Variants in EXOC6B observed in about 807,000 individuals in gnomAD.
EXOC6B encodes the protein exocyst complex component 6B.
EXOC6B carries 54 observed loss-of-function variants against 113.5 expected under a neutral mutation model. The ratio of observed to expected loss-of-function variants is 0.48; its 90% CI spans 0.38 to 0.60. The LOEUF is 0.60. EXOC6B is among the 20% of genes least tolerant of loss of function. The pLI is 0.00. For synonymous variants in EXOC6B, 357 were observed against 339.0 expected, an observed-to-expected ratio of 1.05 and a Z score of -0.58; for missense variants, 797 against 977.5, an observed-to-expected ratio of 0.82 and a Z score of 2.46.
intron 1 of EXOC6B, among the ~76,000 whole-genome samples, chr2:72,775,897 T>C (rs1240901540): frequency 1.2e-4 from 18 of 152,178 alleles, no homozygotes; most frequent in Admixed American, 1.2e-3. Flanking sequence ...TACACACAAA[T>C]GCCTATAGTA....
intron 16 of EXOC6B, among the ~76,000 whole-genome samples, chr2:72,484,824 C>A (rs1275105121): frequency 2.0e-5 from 3 of 152,242 alleles, no homozygotes; most frequent in South Asian, 2.1e-4. Flanking sequence ...TGTATATGTA[C>A]CACATTTTCT....
chr2:72,667,468 CA>C (rs1675473870), intron 6 of EXOC6B, among the ~76,000 whole-genome samples: 1 of 152,264 alleles, frequency 6.6e-6, no homozygotes, highest in South Asian at 2.1e-4. Context: ...TACCTGACTT[CA>C]AACTATACTA....
intron 20 of EXOC6B, among the ~76,000 whole-genome samples, chr2:72,277,983 A>C (rs1348539827): frequency 6.6e-6 from 1 of 152,136 alleles, no homozygotes; most frequent in African/African-American, 2.4e-5. Flanking sequence ...AAATTGTAAA[A>C]ATTAAAAAAA....
At chr2:72,543,080 T>C (rs1288858577) in intron 8 of EXOC6B, among the ~76,000 whole-genome samples, 1 of 152,104 alleles carries the variant, frequency 6.6e-6, no homozygotes, top group Admixed American at 6.6e-5. Context: ...ATGAGAAGTA[T>C]GTTTCAGGAA....
intron 20 of EXOC6B, among the ~76,000 whole-genome samples, chr2:72,198,941 G>A (rs1679329939): frequency 6.6e-6 from 1 of 152,180 alleles, no homozygotes; most frequent in Admixed American, 6.5e-5. Context: ...GACAAGGGCT[G>A]GTTGAATCAT....
intron 18 of EXOC6B, among the ~76,000 whole-genome samples, chr2:72,457,751 A>G (rs1184260760): frequency 6.6e-6 from 1 of 152,190 alleles, no homozygotes; most frequent in Non-Finnish European, 1.5e-5. Flanking sequence ...CAAGGGAAAC[A>G]GTAAGATTTA....
chr2:72,607,144 AT>A (rs1012688347), intron 6 of EXOC6B, among the ~76,000 whole-genome samples: 10 of 152,236 alleles, frequency 6.6e-5, no homozygotes, highest in Admixed American at 2.6e-4. Context: ...AACAAAGACA[AT>A]TTTTTTAAGC....
At chr2:72,676,157 G>C (rs1487086979) in intron 6 of EXOC6B, among the ~76,000 whole-genome samples, 3 of 151,218 alleles carry the variant, frequency 2.0e-5, no homozygotes, top group Non-Finnish European at 2.9e-5. Flanking sequence ...AGAAGAAGAA[G>C]GTTTTCAACT....
At chr2:72,515,482 C>T (rs1701163237) in intron 8 of EXOC6B, 1 of 1,058,958 alleles carries the variant, frequency 9.4e-7, no homozygotes, top group South Asian at 3.4e-5. Context: ...CCTTAAAAAA[C>T]TCACAGAACA....
intron 16 of EXOC6B, among the ~76,000 whole-genome samples, chr2:72,487,561 A>G (rs1368577198): frequency 2.0e-5 from 3 of 152,038 alleles, no homozygotes; most frequent in Non-Finnish European, 4.4e-5. Flanking sequence ...GGGTTTCGCC[A>G]TGTTGGCCAG....
Position 72,721,310 on chromosome 2 carries a change from T to C in EXOC6B, c.465-3003A>G, listed in dbSNP as rs750011640. Among the ~76,000 whole-genome samples, 9 of 132,086 alleles carry C rather than the reference T, an allele frequency of 6.8e-5. 1 individual carries two copies. Among genetic ancestry groups the C allele is most frequent in the East Asian group, 2.2e-4 (1 of 4,596 alleles). The allele number at this position is 132,086 out of a possible 152,430, so 86.7% of individuals were successfully genotyped here. A position where few individuals can be genotyped will look rare whatever the true frequency, so the allele number is the denominator to read the frequency against. On this transcript the variant is annotated intron_variant, in intron 5 of 21. Coordinates refer to ENST00000272427, the MANE Select transcript of EXOC6B (RefSeq NM_015189.3). The stretch of plus-strand genomic sequence containing the variant: ...CACCACTGCACTCCAGCCTGGGTGA[T>C]AGAGTAAGACGCCATCTCAAAGAAA...
intron 18 of EXOC6B, among the ~76,000 whole-genome samples, chr2:72,385,380 A>G (rs1192473006): frequency 6.6e-6 from 1 of 152,068 alleles, no homozygotes; most frequent in Non-Finnish European, 1.5e-5. Flanking sequence ...AGACTTAAAC[A>G]TAAGACCTGA....
At chr2:72,669,044 A>C (rs1190723295) in intron 6 of EXOC6B, among the ~76,000 whole-genome samples, 1 of 152,194 alleles carries the variant, frequency 6.6e-6, no homozygotes, top group African/African-American at 2.4e-5. Context: ...TTTTGATCAC[A>C]CTATTGCATT....
chr2:72,694,823 A>C (rs1677752253), intron 6 of EXOC6B, among the ~76,000 whole-genome samples: 1 of 152,202 alleles, frequency 6.6e-6, no homozygotes, highest in Non-Finnish European at 1.5e-5. Context: ...ATTTGTAGCA[A>C]GACATTTTCT....
Position 72,731,367 on chromosome 2 carries a change from G to A in EXOC6B, c.328-122C>T, listed in dbSNP as rs1309293092. 1.7e-5 allele frequency: 12 copies of A among 723,970 alleles called. No individual in the cohort carries two copies. In the East Asian group the frequency reaches 3.2e-4, roughly 19 times the overall value. The allele number at this position is 723,970 out of a possible 1,614,324, so 44.8% of individuals were successfully genotyped here. On this transcript the variant is annotated intron_variant, in intron 3 of 21. Coordinates refer to ENST00000272427, the MANE Select transcript of EXOC6B (RefSeq NM_015189.3). ...CCCAGACAGTTTCATAGTAAGACCT[G>A]CCAAGTGAACTAAGGAACTGCCTTT...
chr2:72,668,478 G>A lies in EXOC6B; in HGVS notation c.669+49625C>T, dbSNP rs1349398946. Among the ~76,000 whole-genome samples, 9 of 151,654 alleles carry A rather than the reference G, an allele frequency of 5.9e-5. No homozygotes were observed. In the East Asian group the frequency reaches 1.5e-3, roughly 26 times the overall value. ...AAAAAATGCAACCCATATCTTCATT[G>A]CAGAGCTAGTTACAACAGCAAAAAA... On this transcript the variant is annotated intron_variant, in intron 6 of 21. Coordinates refer to ENST00000272427, the MANE Select transcript of EXOC6B (RefSeq NM_015189.3).
intron 5 of EXOC6B, among the ~76,000 whole-genome samples, chr2:72,720,024 G>C (rs1240681700): frequency 6.6e-6 from 1 of 152,052 alleles, no homozygotes; most frequent in Non-Finnish European, 1.5e-5. Flanking sequence ...GAAAGAAATG[G>C]AGCTAATGGA....
intron 1 of EXOC6B, among the ~76,000 whole-genome samples, chr2:72,785,645 T>G (rs1291133752): frequency 6.6e-6 from 1 of 152,204 alleles, no homozygotes; most frequent in Admixed American, 6.5e-5. Context: ...CAACCACAAC[T>G]GGAGCAGCTG....
At chr2:72,482,065 C>A (rs532302015) in intron 16 of EXOC6B, among the ~76,000 whole-genome samples, 14 of 152,268 alleles carry the variant, frequency 9.2e-5, no homozygotes, top group African/African-American at 3.1e-4. Flanking sequence ...AATACTACGT[C>A]CTGTACCTTC....
Sources: allele counts gnomAD v4.1 joint callset (sites outside exome capture counted in the v4.1 genomes callset), GRCh38; gene constraint gnomAD v4.1.1; transcripts MANE v1.5; gene names NCBI Gene and HGNC (gene_info 2026-07-23, HGNC 2026-07-21).